Variants in SRBD1 observed in about 807,000 individuals in gnomAD.
SRBD1 encodes S1 RNA-binding domain-containing protein 1.
A neutral mutation model predicts 115.3 loss-of-function variants in SRBD1; 88 were observed. The observed-to-expected ratio is 0.76, with a 90% CI of 0.64 to 0.91. The LOEUF is 0.91. Ranked by LOEUF, SRBD1 falls within the 40% of genes least tolerant of loss-of-function variation. The pLI is 0.00. For missense variants in SRBD1, 1,385 were observed against 1,177.4 expected (o/e 1.18, Z -2.58); for synonymous variants, 509 against 407.7 (o/e 1.25, Z -2.99).
intron 4 of SRBD1, among the ~76,000 whole-genome samples, chr2:45,598,826 G>A (rs1485508539): frequency 6.6e-6 from 1 of 151,988 alleles, no homozygotes; most frequent in Non-Finnish European, 1.5e-5. Flanking sequence ...ACCCTGAGAG[G>A]CACTACCATA....
intron 9 of SRBD1, among the ~76,000 whole-genome samples, chr2:45,571,615 A>C (rs780902889): frequency 3.3e-5 from 5 of 151,770 alleles, no homozygotes; most frequent in Admixed American, 6.6e-5. Context: ...AATATGCTGA[A>C]TTCAAGAAAA....
chr2:45,500,345 A>G (rs910920596), intron 14 of SRBD1, among the ~76,000 whole-genome samples: 18 of 149,830 alleles, frequency 1.2e-4, no homozygotes, highest in Non-Finnish European at 2.4e-4. Context: ...TGGTGTGTAT[A>G]TGTGTGTGTG....
At chr2:45,483,588 C>T (rs138482495) in intron 15 of SRBD1, among the ~76,000 whole-genome samples, 3 of 152,200 alleles carry the variant, frequency 2.0e-5, no homozygotes, top group Non-Finnish European at 2.9e-5. Flanking sequence ...AGTTTATTTG[C>T]TTAAAAGACT....
chr2:45,413,324 G>T (rs780874094), intron 18 of SRBD1, 31 bp from the exon 19 acceptor site: 12 of 1,593,804 alleles, frequency 7.5e-6, no homozygotes, highest in Non-Finnish European at 9.4e-6. Context: ...CCACATTTAT[G>T]AAAAGGGGAA....
intron 16 of SRBD1, among the ~76,000 whole-genome samples, chr2:45,470,228 A>AT (rs945949806): frequency 6.6e-6 from 1 of 152,106 alleles, no homozygotes; most frequent in Non-Finnish European, 1.5e-5. Context: ...TTTGTTTTTT[A>AT]TTTTTTTGAT....
intron 16 of SRBD1, among the ~76,000 whole-genome samples, chr2:45,428,585 C>A (rs147238315): frequency 0.057 from 8,543 of 148,610 alleles, 312 homozygotes; most frequent in Non-Finnish European, 0.079. Context: ...TAAATAAATA[C>A]ATAAATAAAT....
intron 13 of SRBD1, 124 bp downstream of exon 13, chr2:45,547,398 T>G: frequency 1.3e-6 from 1 of 789,454 alleles, no homozygotes; most frequent in East Asian, 2.7e-5. Flanking sequence ...CAGAACTGTT[T>G]TATATGGTTT....
rs148757597 is a variant in SRBD1 at position 45,590,484 on chromosome 2, C to T, written c.649-4710G>A. ...CCTTGATTTGTAATCCCCATAATCC[C>T]CACGTGTCAAGGGCAGAACCTGGTG... On this transcript the variant is annotated intron_variant, in intron 4 of 20. Transcript: ENST00000263736. Among the ~76,000 whole-genome samples, 20 of 152,258 alleles carry T rather than the reference C, an allele frequency of 1.3e-4. No homozygotes were observed. In the East Asian group the frequency reaches 3.9e-3, roughly 29 times the overall value.
intron 3 of SRBD1, among the ~76,000 whole-genome samples, chr2:45,600,427 T>G (rs1007386279): frequency 1.2e-4 from 18 of 152,206 alleles, no homozygotes; most frequent in African/African-American, 4.1e-4. Context: ...GGTCTACACA[T>G]GCCAGAAAAC....
At chr2:45,414,468 GTA>G (rs760326980) in intron 18 of SRBD1, among the ~76,000 whole-genome samples, 2 of 145,184 alleles carry the variant, frequency 1.4e-5, no homozygotes, top group African/African-American at 2.7e-5. Context: ...TGTATAGTGT[GTA>G]TATAGTGTGT....
intron 14 of SRBD1, among the ~76,000 whole-genome samples, chr2:45,540,719 A>G (rs1177194703): frequency 6.6e-6 from 1 of 152,216 alleles, no homozygotes; most frequent in Non-Finnish European, 1.5e-5. Context: ...ATTTGAACAG[A>G]TACCTCACTA....
chr2:45,420,528 T>C (rs1320758898), intron 16 of SRBD1, among the ~76,000 whole-genome samples: 1 of 152,206 alleles, frequency 6.6e-6, no homozygotes, highest in African/African-American at 2.4e-5. Context: ...TTTTTATTTA[T>C]TTGTTAAATA....
chr2:45,405,359 C>G (rs1667402361), intron 19 of SRBD1, among the ~76,000 whole-genome samples: 1 of 151,972 alleles, frequency 6.6e-6, no homozygotes, highest in South Asian at 2.1e-4. Context: ...CTAGTGAGGA[C>G]TGATGATAAA....
At chr2:45,455,827 G>A (rs964628569) in intron 16 of SRBD1, among the ~76,000 whole-genome samples, 1 of 151,830 alleles carries the variant, frequency 6.6e-6, no homozygotes, top group Admixed American at 6.6e-5. Context: ...GAATTAAACA[G>A]CAAATTTTCT....
At chr2:45,445,553 A>AGT in intron 16 of SRBD1, among the ~76,000 whole-genome samples, 8 of 132,624 alleles carry the variant, frequency 6.0e-5, no homozygotes, top group Admixed American at 3.6e-4. Flanking sequence ...CCAGAGGTAA[A>AGT]AAAAAAAAAA....
intron 5 of SRBD1, among the ~76,000 whole-genome samples, chr2:45,583,990 C>T (rs779099290): frequency 4.6e-5 from 7 of 152,142 alleles, no homozygotes; most frequent in African/African-American, 7.2e-5. Flanking sequence ...TATTGTTAGA[C>T]TACCCTTTAA....
chr2:45,602,155 G>A, intron 2 of SRBD1, 72 bp from the exon 3 acceptor site: 2 of 1,504,866 alleles, frequency 1.3e-6, no homozygotes, highest in Admixed American at 2.2e-5. Context: ...AGAGATGCAA[G>A]ATTCTTGAAA....
At chr2:45,566,475 A>C (rs908938616) in intron 9 of SRBD1, among the ~76,000 whole-genome samples, 2 of 152,230 alleles carry the variant, frequency 1.3e-5, no homozygotes, top group Non-Finnish European at 2.9e-5. Context: ...ATATTGTATG[A>C]TTCCTTTATA....
chr2:45,502,087 G>A (rs1016127800), intron 14 of SRBD1, among the ~76,000 whole-genome samples: 16 of 152,194 alleles, frequency 1.1e-4, no homozygotes, highest in African/African-American at 3.6e-4. Flanking sequence ...CCTCCAAGAC[G>A]AAGCTTCCAG....
Sources: gnomAD v4.1 joint callset for allele counts (sites outside exome capture counted in the v4.1 genomes callset) on GRCh38, gnomAD v4.1.1 for gene constraint, MANE v1.5 for transcripts, NCBI Gene and HGNC (gene_info 2026-07-23, HGNC 2026-07-21) for gene names.